The following NASP variants were observed in gnomAD, a reference collection of about 807,000 sequenced individuals.
NASP encodes nuclear autoantigenic sperm protein.
A neutral mutation model predicts 89.5 loss-of-function variants in NASP; 24 were observed. That is an observed-to-expected ratio of 0.27 (90% confidence interval 0.19 to 0.38). The LOEUF is 0.38. NASP is among the 10% of genes least tolerant of loss of function. NASP has a pLI of 1.00. For synonymous variants in NASP, 306 were observed against 324.7 expected, an observed-to-expected ratio of 0.94 and a Z score of 0.62; for missense variants, 848 against 921.4, an observed-to-expected ratio of 0.92 and a Z score of 1.03.
In NASP at chr1:45,606,607, T is replaced by TG. The variant is rs1347035912; in HGVS notation, c.409+17dup. ...AACATAGATGGTATGTGGAGTTGCA[T>TG]GTGACATTCAAGAGATGCGACGTTG... On this transcript the variant is annotated intron_variant, in intron 5 of 14. Coordinates refer to ENST00000350030, the MANE Select transcript of NASP (RefSeq NM_002482.4). 2.0e-6 allele frequency: 3 copies of TG among 1,529,098 alleles called. No individual in the cohort carries two copies. The highest frequency in any genetic ancestry group is 2.7e-6 in the Non-Finnish European group (3 of 1,102,778). The allele number at this position is 1,529,098 out of a possible 1,614,324, so 94.7% of individuals were successfully genotyped here.
chr1:45,591,104 T>C (rs1181790614), intron 1 of NASP, 119 bp from the exon 2 acceptor site: 3 of 579,518 alleles, frequency 5.2e-6, no homozygotes, highest in Admixed American at 6.8e-5. Context: ...AAATAATACT[T>C]GAGTATTTAA....
chr1:45,617,173 GA>G, intron 13 of NASP: 1 of 346,154 alleles, frequency 2.9e-6, no homozygotes, highest in Non-Finnish European at 5.3e-6. Flanking sequence ...TCTGTTTCCT[GA>G]CTCAAACACA....
rs1035835554 is a variant in NASP, at chr1:45,602,330, A to G, written c.183A>G (p.Ala61=). 1.2e-6 allele frequency: 2 copies of G among 1,613,734 alleles called. No homozygotes were observed. The highest frequency in any genetic ancestry group is 1.7e-6 in the Non-Finnish European group (2 of 1,179,738). Residue 61 remains alanine (A), a synonymous_variant, in exon 3 of 15, where the codon GCA becomes GCG. Transcript: ENST00000350030. ...ATCTGGTGATGGGGGATATTCCAGC[A>G]GCTGTCAATGCATTCCAGGAAGCAG... is the stretch of plus-strand genomic sequence containing the variant. ...QKHLVMGDIP[A]AVNAFQEAAS... is the part of the protein sequence containing the mutation.
At chr1:45,595,751 AT>A (rs1643680647) in intron 2 of NASP, among the ~76,000 whole-genome samples, 1 of 152,234 alleles carries the variant, frequency 6.6e-6, no homozygotes, top group Non-Finnish European at 1.5e-5. Context: ...CACTTAGAAA[AT>A]GTCCATGATG....
In NASP at chr1:45,618,045, T is replaced by G; in HGVS notation, c.2287-16T>G. On this transcript the variant is annotated splice_polypyrimidine_tract_variant and intron_variant, in intron 14 of 14. Coordinates refer to ENST00000350030, the MANE Select transcript of NASP (RefSeq NM_002482.4). ...AAACTAGGCTCACTCATGCCCAGGT[T>G]CTGTTTGTCTTCCAGGCTGAGAATC... The G allele has an allele frequency of 6.3e-7, 1 of 1,591,620 alleles. No homozygotes were observed. Among genetic ancestry groups the G allele is most frequent in the Non-Finnish European group, 8.6e-7 (1 of 1,168,270 alleles).
intron 14 of NASP, among the ~76,000 whole-genome samples, 182 bp downstream of exon 14, chr1:45,617,773 A>T (rs1644132424): frequency 6.6e-6 from 1 of 152,232 alleles, no homozygotes; most frequent in Non-Finnish European, 1.5e-5. Context: ...AGGATGACTC[A>T]CTGACAAATG....
At chr1:45,617,878 C>T (rs1197420224) in intron 14 of NASP, among the ~76,000 whole-genome samples, 183 bp from the exon 15 acceptor site, 3 of 152,210 alleles carry the variant, frequency 2.0e-5, no homozygotes, top group Non-Finnish European at 4.4e-5. Flanking sequence ...TGATTATTGG[C>T]TCTGTCAGCC....
intron 6 of NASP, chr1:45,611,067 C>CTTA (rs1231909006): frequency 5.3e-5 from 8 of 152,110 alleles, no homozygotes; most frequent in Admixed American, 5.2e-4. Context: ...TGGGTCCGGG[C>CTTA]TTAGTTCCCC....
rs950953914 is a variant in NASP at position 45,617,401 on chromosome 1, T to C, written c.2158-62T>C. Reference sequence around the variant, plus strand: ...GCACCACAAGGGTTAAGGAAATGTTTTGCAGTTGTCTTTTTAAAAACATTA... The same window carrying C: ...GCACCACAAGGGTTAAGGAAATGTTCTGCAGTTGTCTTTTTAAAAACATTA... On this transcript the variant is annotated intron_variant, in intron 13 of 14. Coordinates refer to ENST00000350030, the MANE Select transcript of NASP (RefSeq NM_002482.4). The C allele has an allele frequency of 5.5e-5, 86 of 1,557,090 alleles. No individual in the cohort carries two copies. The African/African-American group carries it at 1.1e-3, about 20-fold the overall frequency.
intron 1 of NASP, among the ~76,000 whole-genome samples, chr1:45,586,284 G>GTGTGTGTGTGTGTGT (rs1202771599): frequency 1.0e-5 from 1 of 100,476 alleles, no homozygotes; most frequent in African/African-American, 4.5e-5. Flanking sequence ...GTGTGTGTGT[G>GTGTGTGTGTGTGTGT]GTGTGTGTGT....
At chr1:45,609,483 G>T (rs1292298778) in intron 6 of NASP, 1 of 140,210 alleles carries the variant, frequency 7.1e-6, no homozygotes, top group Admixed American at 7.4e-5. Context: ...AAAAAGCACA[G>T]AACTAAATTC....
chr1:45,586,207 G>A (rs1172108925), intron 1 of NASP, among the ~76,000 whole-genome samples: 1 of 150,768 alleles, frequency 6.6e-6, no homozygotes, highest in Non-Finnish European at 1.5e-5. Flanking sequence ...GTGCAGTGAT[G>A]CCATCTCGGC....
chr1:45,586,284 G>T (rs1445647207), intron 1 of NASP, among the ~76,000 whole-genome samples: 43 of 100,520 alleles, frequency 4.3e-4, no homozygotes, highest in East Asian at 1.9e-3. Flanking sequence ...GTGTGTGTGT[G>T]GTGTGTGTGT....
intron 1 of NASP, among the ~76,000 whole-genome samples, chr1:45,590,646 T>C (rs896168760): frequency 6.6e-6 from 1 of 150,756 alleles, no homozygotes; most frequent in African/African-American, 2.4e-5. Context: ...TTTAATGGTA[T>C]TCAATTCAGA....
At chr1:45,593,082 A>G (rs1643592091) in intron 2 of NASP, among the ~76,000 whole-genome samples, 1 of 152,218 alleles carries the variant, frequency 6.6e-6, no homozygotes, top group Non-Finnish European at 1.5e-5. Flanking sequence ...TTCCATTTAC[A>G]AAATAGGGTA....
At chr1:45,609,577 TA>T (rs1643967857) in intron 6 of NASP, 1 of 152,152 alleles carries the variant, frequency 6.6e-6, no homozygotes, top group Non-Finnish European at 1.5e-5. Context: ...GCAAGGATGG[TA>T]AAAAGCTCTG....
chr1:45,586,269 TGTGTGTGTGTGTGTG>T lies in NASP; in HGVS notation c.59+2080_59+2094del, dbSNP rs1323569972. Among the ~76,000 whole-genome samples the T allele has an allele frequency of 8.3e-4, 50 of 60,138 alleles. 1 individual carries two copies. Among genetic ancestry groups the T allele is most frequent in the Middle Eastern group, 0.018 (2 of 114 alleles). 39.5% of individuals were successfully genotyped at this position (60,138 alleles called of 152,430 possible). On this transcript the variant is annotated intron_variant, in intron 1 of 14. Coordinates refer to ENST00000350030, the MANE Select transcript of NASP (RefSeq NM_002482.4). Reference sequence around the variant, plus strand: ...GTGTGTGTGTGTGTGTGTGTGTGTGTGTGTGTGTGTGTGTGGTGTGTGTGTGTGTGTGTGTGTGTG... The same window carrying T: ...GTGTGTGTGTGTGTGTGTGTGTGTGTGTGTGTGTGTGTGTGTGTGTGTGTG...
chr1:45,615,815 A>G (rs1224587848), intron 11 of NASP: 2 of 224,630 alleles, frequency 8.9e-6, no homozygotes, highest in African/African-American at 4.6e-5. Flanking sequence ...ATCATACTCA[A>G]CAGTTGGATA....
chr1:45,602,477 G>C, intron 3 of NASP, 112 bp downstream of exon 3: 1 of 1,056,666 alleles, frequency 9.5e-7, no homozygotes, highest in South Asian at 1.6e-5. Flanking sequence ...TAAAACATTT[G>C]ATTATTTTTC....
Sources: gnomAD v4.1 joint callset for allele counts (sites outside exome capture counted in the v4.1 genomes callset) on GRCh38, gnomAD v4.1.1 for gene constraint, MANE v1.5 for transcripts, NCBI Gene and HGNC (gene_info 2026-07-23, HGNC 2026-07-21) for gene names.